The following LZTS1 variants were observed in gnomAD, a reference collection of about 807,000 sequenced individuals.
LZTS1 encodes the protein leucine zipper putative tumor suppressor 1.
In LZTS1, 31 loss-of-function variants were observed where a neutral mutation model predicts 45.8. That is an observed-to-expected ratio of 0.68 (90% CI 0.51 to 0.91). The LOEUF (loss-of-function observed/expected upper bound fraction) is 0.91, where lower values mean the gene tolerates loss of function less well. LZTS1 is among the 40% of genes least tolerant of loss of function. The pLI, the probability that LZTS1 is intolerant of heterozygous loss-of-function variation, is 0.00. For missense variants in LZTS1, 821 were observed against 788.9 expected, an observed-to-expected ratio of 1.04 and a Z score of -0.49; for synonymous variants, 359 against 357.3, an observed-to-expected ratio of 1.00 and a Z score of -0.05.
chr8:20,274,437 A>G (rs1469303718), intron 1 of LZTS1, among the ~76,000 whole-genome samples: 1 of 152,150 alleles, frequency 6.6e-6, no homozygotes. Context: ...AGCTTGGAGC[A>G]TAGCGGCAAT....
Position 20,249,355 on chromosome 8 carries a change from T to C in LZTS1, c.*367A>G, listed in dbSNP as rs951913384. 1 of 224,304 alleles carries C rather than the reference T, an allele frequency of 4.5e-6. No homozygotes were observed. The highest frequency in any genetic ancestry group is 1.0e-4 in the South Asian group (1 of 9,786). The allele number at this position is 224,304 out of a possible 1,614,324, so 13.9% of individuals were successfully genotyped here. On this transcript the variant is annotated 3_prime_UTR_variant, in exon 4 of 4. Transcript: ENST00000381569. ...GTCCAGGAGGAAAAAGAGGTTGGGA[T>C]GAGAAGCAGAGGGGAGCCGCTGTAC...
At chr8:20,295,069 C>T (rs934633088) in intron 1 of LZTS1, among the ~76,000 whole-genome samples, 2 of 152,112 alleles carry the variant, frequency 1.3e-5, no homozygotes, top group Admixed American at 6.5e-5. Flanking sequence ...TCTAACCTCT[C>T]CCTGGGTGCC....
intron 1 of LZTS1, among the ~76,000 whole-genome samples, chr8:20,256,954 A>G (rs1444092671): frequency 6.6e-6 from 1 of 152,212 alleles, no homozygotes; most frequent in African/African-American, 2.4e-5. Flanking sequence ...TCTGGAGGTC[A>G]GGCAGGTTAG....
chr8:20,282,443 G>T (rs1046068030), intron 1 of LZTS1, among the ~76,000 whole-genome samples: 1 of 152,252 alleles, frequency 6.6e-6, no homozygotes, highest in African/African-American at 2.4e-5. Flanking sequence ...TTGCTACTGA[G>T]CACCAGGAGC....
chr8:20,293,838 G>A (rs1800939686), intron 1 of LZTS1, among the ~76,000 whole-genome samples: 1 of 152,138 alleles, frequency 6.6e-6, no homozygotes, highest in African/African-American at 2.4e-5. Context: ...GGAGGCTGAT[G>A]TGGGAGTCCA....
At chr8:20,293,252 C>T (rs1585303915) in intron 1 of LZTS1, among the ~76,000 whole-genome samples, 1 of 152,154 alleles carries the variant, frequency 6.6e-6, no homozygotes, top group South Asian at 2.1e-4. Flanking sequence ...TTCAGTGGTT[C>T]CCTGCTGTCT....
intron 1 of LZTS1, among the ~76,000 whole-genome samples, chr8:20,288,900 T>TA (rs1484689253): frequency 1.3e-5 from 2 of 151,808 alleles, no homozygotes; most frequent in Non-Finnish European, 2.9e-5. Context: ...CTATGGGTAG[T>TA]ACCCACCTCA....
At chr8:20,251,300 A>G (rs1475285347) in intron 3 of LZTS1, among the ~76,000 whole-genome samples, 1 of 151,414 alleles carries the variant, frequency 6.6e-6, no homozygotes, top group Non-Finnish European at 1.5e-5. Context: ...TGACTGTGTC[A>G]CTCCCTTCGT....
chr8:20,263,930 T>C (rs17092192), intron 1 of LZTS1, among the ~76,000 whole-genome samples: 50,850 of 151,934 alleles, frequency 0.33, 9,343 homozygotes, highest in African/African-American at 0.48. Context: ...CCGTGCAGAA[T>C]GGACAATTGT....
intron 1 of LZTS1, among the ~76,000 whole-genome samples, chr8:20,296,271 G>C (rs965376679): frequency 6.6e-6 from 1 of 152,204 alleles, no homozygotes; most frequent in Non-Finnish European, 1.5e-5. Flanking sequence ...ATTCTGTGAG[G>C]TCAGATTCAT....
intron 1 of LZTS1, among the ~76,000 whole-genome samples, chr8:20,257,985 T>TA (rs10667669): frequency 4.0e-5 from 6 of 151,542 alleles, no homozygotes; most frequent in East Asian, 3.9e-4. Context: ...ATTTTTTTTT[T>TA]AAAGTAATAG....
In LZTS1 at chr8:20,254,971, T is replaced by C. The variant is rs1442052044; in HGVS notation, c.211A>G (p.Ser71Gly). Residue 71 changes from serine (S) to glycine (G), a missense_variant, in exon 2 of 4, where the codon AGC becomes GGC. Ser to Gly is a moderately conservative substitution (Grantham distance 56). Coordinates refer to ENST00000381569, the MANE Select transcript of LZTS1 (RefSeq NM_021020.5). ...KSEDFFYIKV[S>G]QKARGSHHPD... Reference sequence around the variant, plus strand: ...TGATGGGAGCCCCGGGCTTTCTGGCTGACCTTGATGTAGAAGAAGTCTTCG... The same window carrying C: ...TGATGGGAGCCCCGGGCTTTCTGGCCGACCTTGATGTAGAAGAAGTCTTCG... The C allele has an allele frequency of 1.2e-6, 2 of 1,614,198 alleles. No homozygotes were observed. Among genetic ancestry groups the C allele is most frequent in the Non-Finnish European group, 1.7e-6 (2 of 1,180,040 alleles).
Position 20,248,467 on chromosome 8 carries a change from C to T in LZTS1, c.*1255G>A, listed in dbSNP as rs1799795557. ...CAAGCTCCTGAGAAAGGGAGCTGCT[C>T]TCTGGATCCTTTAGTCTGGGACAAA... On this transcript the variant is annotated 3_prime_UTR_variant, in exon 4 of 4. Coordinates refer to ENST00000381569, the MANE Select transcript of LZTS1 (RefSeq NM_021020.5). The T allele has an allele frequency of 6.6e-6, 1 of 152,544 alleles. No individual in the cohort carries two copies. Among genetic ancestry groups the T allele is most frequent in the African/African-American group, 2.4e-5 (1 of 41,474 alleles). 9.4% of individuals were successfully genotyped at this position (152,544 alleles called of 1,614,324 possible).
intron 1 of LZTS1, among the ~76,000 whole-genome samples, chr8:20,292,299 C>T (rs908940764): frequency 3.0e-4 from 46 of 152,222 alleles, no homozygotes; most frequent in East Asian, 1.9e-3. Flanking sequence ...CATCAGGACA[C>T]GTATCTGCCT....
At chr8:20,303,177 C>G (rs1470757788) in intron 1 of LZTS1, among the ~76,000 whole-genome samples, 1 of 152,276 alleles carries the variant, frequency 6.6e-6, no homozygotes, top group Middle Eastern at 3.4e-3. Flanking sequence ...GATTTACCAC[C>G]TTCCTCTCTA....
chr8:20,270,626 G>A (rs1800452885), intron 1 of LZTS1, among the ~76,000 whole-genome samples: 1 of 152,166 alleles, frequency 6.6e-6, no homozygotes, highest in South Asian at 2.1e-4. Context: ...ACAGGGAAGA[G>A]GGAGAACTTA....
rs776923694 is a variant in LZTS1 at position 20,271,448 on chromosome 8, T to C, written c.-134-16133A>G. ...ACCTAAGTCCCTCAGCTGTGCCCCC[T>C]CTGTCTCCATGAACCTTCCTGGTGA... is the stretch of plus-strand genomic sequence containing the variant. On this transcript the variant is annotated intron_variant, in intron 1 of 3. Transcript: ENST00000381569. 5.3e-5 allele frequency among the ~76,000 whole-genome samples: 8 copies of C among 152,124 alleles called. 1 individual carries two copies. Among genetic ancestry groups the C allele is most frequent in the Non-Finnish European group, 1.0e-4 (7 of 68,020 alleles).
intron 1 of LZTS1, among the ~76,000 whole-genome samples, chr8:20,257,381 CT>C (rs1281023083): frequency 1.3e-5 from 2 of 152,018 alleles, no homozygotes; most frequent in African/African-American, 4.8e-5. Flanking sequence ...TTGTCAAGTG[CT>C]GCTGAAAGTA....
intron 1 of LZTS1, among the ~76,000 whole-genome samples, chr8:20,276,180 A>G (rs1800577156): frequency 6.6e-6 from 1 of 152,152 alleles, no homozygotes; most frequent in African/African-American, 2.4e-5. Context: ...ATGATATTAT[A>G]AAATATATAT....
Sources: allele counts gnomAD v4.1 joint callset (sites outside exome capture counted in the v4.1 genomes callset), GRCh38; gene constraint gnomAD v4.1.1; transcripts MANE v1.5; gene names NCBI Gene and HGNC (gene_info 2026-07-23, HGNC 2026-07-21).